Variants in PCDH15 observed in about 807,000 individuals in gnomAD.
PCDH15 encodes protocadherin-15.
Under a neutral mutation model 178.5 loss-of-function variants are expected in PCDH15, and 129 were observed. That is an observed-to-expected ratio of 0.72 (90% CI 0.63 to 0.84). The LOEUF (loss-of-function observed/expected upper bound fraction) is 0.84, where lower values mean the gene tolerates loss of function less well. Among genes scored for constraint, PCDH15 ranks in the 40% least tolerant of loss-of-function variants. PCDH15 has a pLI of 0.00. For synonymous variants in PCDH15, 800 were observed against 732.0 expected (o/e 1.09, Z -1.50); for missense variants, 2,230 against 2,099.9 (o/e 1.06, Z -1.21).
At chr10:54,901,006 A>G (rs1954629697) in intron 2 of PCDH15, among the ~76,000 whole-genome samples, 1 of 152,178 alleles carries the variant, frequency 6.6e-6, no homozygotes, top group Non-Finnish European at 1.5e-5. Context: ...AACAATAACC[A>G]AGTGAATATT....
chr10:54,684,679 A>G (rs1555147960), intron 1 of PCDH15, among the ~76,000 whole-genome samples: 1 of 152,082 alleles, frequency 6.6e-6, no homozygotes, highest in Non-Finnish European at 1.5e-5. Context: ...AGAAGGGAGG[A>G]AATAATTTAG....
intron 2 of PCDH15, among the ~76,000 whole-genome samples, chr10:54,974,089 A>G (rs1244693615): frequency 6.6e-6 from 1 of 151,336 alleles, no homozygotes; most frequent in Non-Finnish European, 1.5e-5. Flanking sequence ...ACACAGACAC[A>G]CACACACATA....
chr10:55,527,333 C>T (rs1335951819), intron 2 of PCDH15, among the ~76,000 whole-genome samples: 1 of 152,030 alleles, frequency 6.6e-6, no homozygotes, highest in Non-Finnish European at 1.5e-5. Context: ...TTGCTCCATG[C>T]CTCTTGCCTA....
intron 2 of PCDH15, among the ~76,000 whole-genome samples, chr10:55,546,831 G>T (rs1204320630): frequency 6.6e-6 from 1 of 151,986 alleles, no homozygotes; most frequent in Non-Finnish European, 1.5e-5. Flanking sequence ...ATGAACAGAC[G>T]GAATTAGAAT....
At chr10:55,115,032 T>C (rs543536443) in intron 2 of PCDH15, among the ~76,000 whole-genome samples, 3 of 152,320 alleles carry the variant, frequency 2.0e-5, no homozygotes, top group Middle Eastern at 3.4e-3. Flanking sequence ...CAGCAGTCAT[T>C]TTATAATGCT....
chr10:54,548,303 A>T (rs1433177655), intron 2 of PCDH15, among the ~76,000 whole-genome samples: 1 of 148,290 alleles, frequency 6.7e-6, no homozygotes, highest in Non-Finnish European at 1.5e-5. Flanking sequence ...ATTTTTCTTA[A>T]GTTTCCTTTA....
intron 14 of PCDH15, among the ~76,000 whole-genome samples, chr10:54,144,281 C>T (rs1376254158): frequency 6.6e-6 from 1 of 152,036 alleles, no homozygotes; most frequent in Non-Finnish European, 1.5e-5. Context: ...GGGACTGAAA[C>T]CGACCAAACA....
chr10:55,392,011 G>T (rs1837805057), intron 2 of PCDH15, among the ~76,000 whole-genome samples: 1 of 152,128 alleles, frequency 6.6e-6, no homozygotes, highest in African/African-American at 2.4e-5. Context: ...TTTCATTATA[G>T]TTGTGAATCA....
intron 3 of PCDH15, among the ~76,000 whole-genome samples, chr10:54,501,071 C>T (rs1181147544): frequency 1.3e-5 from 2 of 151,838 alleles, no homozygotes; most frequent in Middle Eastern, 3.2e-3. Context: ...GGGAACATCA[C>T]ACAATGGGGC....
chr10:53,828,889 G>A (rs899673481), intron 30 of PCDH15, among the ~76,000 whole-genome samples: 7 of 152,122 alleles, frequency 4.6e-5, no homozygotes, highest in African/African-American at 1.7e-4. Flanking sequence ...GAATATTAAA[G>A]ATGACCTGAC....
At chr10:55,511,518 C>T (rs1840885625) in intron 2 of PCDH15, among the ~76,000 whole-genome samples, 1 of 151,970 alleles carries the variant, frequency 6.6e-6, no homozygotes, top group Non-Finnish European at 1.5e-5. Context: ...AATAAAAATG[C>T]CATTTGGACA....
intron 3 of PCDH15, among the ~76,000 whole-genome samples, chr10:54,515,587 C>A (rs554006086): frequency 4.5e-4 from 68 of 152,360 alleles, no homozygotes; most frequent in African/African-American, 1.6e-3. Flanking sequence ...CAGCAGTAAC[C>A]TCTGCAGACT....
intron 1 of PCDH15, among the ~76,000 whole-genome samples, chr10:54,793,712 A>G (rs1951666606): frequency 6.7e-6 from 1 of 148,522 alleles, no homozygotes; most frequent in Non-Finnish European, 1.5e-5. Context: ...ATATATATAC[A>G]TATATATACA....
At chr10:54,606,875 G>C (rs992506230) in intron 2 of PCDH15, 1 of 152,126 alleles carries the variant, frequency 6.6e-6, no homozygotes, top group Non-Finnish European at 1.5e-5. Flanking sequence ...ATTCCTAACA[G>C]AAGGATGAGA....
chr10:55,619,469 C>A (rs1237726400), intron 2 of PCDH15, among the ~76,000 whole-genome samples: 1 of 151,918 alleles, frequency 6.6e-6, no homozygotes, highest in African/African-American at 2.4e-5. Context: ...TATCTGGACC[C>A]TTGATTTGAA....
chr10:54,226,416 A>G (rs1241012531), intron 9 of PCDH15, among the ~76,000 whole-genome samples: 1 of 152,148 alleles, frequency 6.6e-6, no homozygotes, highest in East Asian at 1.9e-4. Flanking sequence ...GATGAGATCT[A>G]TGGCCAGGCA....
At chr10:54,616,677 C>A (rs753939260) in intron 2 of PCDH15, among the ~76,000 whole-genome samples, 1 of 152,082 alleles carries the variant, frequency 6.6e-6, no homozygotes, top group Non-Finnish European at 1.5e-5. Context: ...CCACCAAAGA[C>A]ACTTGTTTAG....
At chr10:55,399,236 T>C (rs1456731777) in intron 2 of PCDH15, among the ~76,000 whole-genome samples, 1 of 152,104 alleles carries the variant, frequency 6.6e-6, no homozygotes, top group Non-Finnish European at 1.5e-5. Context: ...TCTTGGGATT[T>C]TAACTGTCAG....
rs1052050125 is a variant in PCDH15 at position 53,804,104 on chromosome 10, C to G, written c.*2475G>C. On this transcript the variant is annotated 3_prime_UTR_variant, in exon 38 of 38. Transcript: ENST00000644397. ...TTTAGTTAGTAATAATTTTGCTGCT[C>G]TACGTTACCCAAAAATATACTGACC... 4 of 151,954 alleles carry G rather than the reference C, an allele frequency of 2.6e-5. No individual in the cohort carries two copies. Among genetic ancestry groups the G allele is most frequent in the Middle Eastern group, 3.4e-3 (1 of 294 alleles). 9.4% of individuals were successfully genotyped at this position (151,954 alleles called of 1,614,324 possible). A position where few individuals can be genotyped will look rare whatever the true frequency, so the allele number is the denominator to read the frequency against.
Sources: allele counts gnomAD v4.1 joint callset (sites outside exome capture counted in the v4.1 genomes callset), GRCh38; gene constraint gnomAD v4.1.1; transcripts MANE v1.5; gene names NCBI Gene and HGNC (gene_info 2026-07-23, HGNC 2026-07-21).